The following PLCB2 variants were observed in gnomAD, a reference collection of about 807,000 sequenced individuals.
PLCB2 encodes the protein phospholipase C beta 2.
A neutral mutation model predicts 141.7 loss-of-function variants in PLCB2; 115 were observed. The observed-to-expected ratio is 0.81, with a 90% CI of 0.70 to 0.95. The LOEUF is 0.95. Among genes scored for constraint, PLCB2 ranks in the 40% least tolerant of loss-of-function variants. The pLI is 0.00. For synonymous variants in PLCB2, 603 were observed against 595.6 expected (o/e 1.01, Z -0.18); for missense variants, 1,403 against 1,541.1 (o/e 0.91, Z 1.50).
At chr15:40,284,835 TCAAAAAAA>T (rs2039587333), downstream of PLCB2, among the ~76,000 whole-genome samples, 1 of 6,940 alleles carries the variant, frequency 1.4e-4, no homozygotes, top group African/African-American at 5.9e-4. Context: ...TGAGACTCCG[TCAAAAAAA>T]AAAAAAAAAA....
chr15:40,284,570 A>G (rs954979093), downstream of PLCB2: 9 of 454,246 alleles, frequency 2.0e-5, no homozygotes, highest in Non-Finnish European at 3.5e-5. Context: ...GGCCGGGTGC[A>G]GTGGCTCACG....
intron 3 of PLCB2, 42 bp downstream of exon 3, chr15:40,303,246 A>G (rs773878953): frequency 2.1e-6 from 3 of 1,430,512 alleles, no homozygotes; most frequent in Non-Finnish European, 3.0e-6. Flanking sequence ...CCATGGAGCT[A>G]GTAGCTGTGC....
At chr15:40,299,397 C>G (rs1211219713) in intron 7 of PLCB2, 169 bp from the exon 8 acceptor site, 3 of 575,508 alleles carry the variant, frequency 5.2e-6, no homozygotes, top group Non-Finnish European at 9.4e-6. Context: ...GGTTGCTGAG[C>G]AGAGAGCATG....
chr15:40,294,143 G>A, intron 19 of PLCB2, 123 bp downstream of exon 19: 1 of 960,088 alleles, frequency 1.0e-6, no homozygotes, highest in Non-Finnish European at 1.6e-6. Context: ...TGCAGGAACT[G>A]GCTGGGGCTG....
chr15:40,290,131 A>G, intron 29 of PLCB2, 49 bp from the exon 30 acceptor site: 1 of 1,159,950 alleles, frequency 8.6e-7, no homozygotes, highest in Non-Finnish European at 1.3e-6. Context: ...CCCTAGGGAG[A>G]GTAGGGTAAC....
chr15:40,291,775 A>T (rs2039946602), intron 24 of PLCB2, 74 bp downstream of exon 24: 19 of 1,609,120 alleles, frequency 1.2e-5, no homozygotes, highest in Non-Finnish European at 1.5e-5. Flanking sequence ...CCTAGGTGAA[A>T]TTTTTTAAAG....
Position 40,288,391 on chromosome 15 carries a change from G to C in PLCB2, c.*324C>G. Reference sequence around the variant, plus strand: ...AGCTGGTTGCTCAATAGGAAAGGCAGAGTGGGGCCAGGATCCCACTTTCTG... The same window carrying C: ...AGCTGGTTGCTCAATAGGAAAGGCACAGTGGGGCCAGGATCCCACTTTCTG... On this transcript the variant is annotated 3_prime_UTR_variant, in exon 32 of 32. Coordinates refer to ENST00000260402, the MANE Select transcript of PLCB2 (RefSeq NM_004573.3). 3.7e-6 allele frequency: 4 copies of C among 1,080,186 alleles called. No individual in the cohort carries two copies. The highest frequency in any genetic ancestry group is 4.5e-6 in the Non-Finnish European group (4 of 890,180). 66.9% of individuals were successfully genotyped at this position (1,080,186 alleles called of 1,614,324 possible). A position where few individuals can be genotyped will look rare whatever the true frequency, so the allele number is the denominator to read the frequency against.
At chr15:40,284,827 A>G, downstream of PLCB2, among the ~76,000 whole-genome samples, 1 of 117,730 alleles carries the variant, frequency 8.5e-6, no homozygotes, top group East Asian at 3.3e-4. Flanking sequence ...AGACAGAGTG[A>G]GACTCCGTCA....
At position 40,302,241 on chromosome 15, in the gene PLCB2, A is replaced by C. The variant is rs201833436; in HGVS notation, c.452+29T>G. 3.7e-6 allele frequency: 6 copies of C among 1,613,970 alleles called. No individual in the cohort carries two copies. In the East Asian group the frequency reaches 1.3e-4, roughly 36 times the overall value. The stretch of plus-strand genomic sequence containing the variant: ...GCCCAGGGCTGGCATGCTCAGCACC[A>C]GGGCTCAGGCCAGGCAGAGGGCACT... On this transcript the variant is annotated intron_variant, in intron 5 of 31. Coordinates refer to ENST00000260402, the MANE Select transcript of PLCB2 (RefSeq NM_004573.3).
Position 40,291,483 on chromosome 15 carries a change from C to A in PLCB2, c.2652G>T (p.Pro884=). The A allele has an allele frequency of 6.3e-7, 1 of 1,579,422 alleles. No individual in the cohort carries two copies. The highest frequency in any genetic ancestry group is 8.6e-7 in the Non-Finnish European group (1 of 1,167,728). ...GGAGCTCCTCCAGGCTGGCGGTCCG[C>A]GGCTCTGCGGAGGCCCGGGTGAGGC... ...REEAMKEAAE[P]RTASLEELRE... Residue 884 remains proline, a synonymous_variant, in exon 26 of 32, where the codon CCG becomes CCT. Coordinates refer to ENST00000260402, the MANE Select transcript of PLCB2 (RefSeq NM_004573.3).
In PLCB2 at chr15:40,295,121, C is replaced by A. The variant is rs8025304; in HGVS notation, c.1782-61G>T. The A allele has an allele frequency of 0.021, 34,576 of 1,609,962 alleles. 900 individuals are homozygous for A. The highest frequency in any genetic ancestry group is 0.11 in the African/African-American group (7,955 of 74,800). ...TGCACCAGGAGAACCTAACAGCTTA[C>A]CCTGGGGGCCCTGTCCCCAGGCCCT... On this transcript the variant is annotated intron_variant, in intron 17 of 31. Transcript: ENST00000260402.
rs150815065 is a variant in PLCB2, at chr15:40,299,892, C to T, written c.583-664G>A. On this transcript the variant is annotated intron_variant, in intron 7 of 31. Coordinates refer to ENST00000260402, the MANE Select transcript of PLCB2 (RefSeq NM_004573.3). ...ACAATGGATTTGGACAGGTATTTCT[C>T]CAAAGAAGATATATAAGTGACTAAT... Among the ~76,000 whole-genome samples the T allele has an allele frequency of 6.6e-3, 997 of 152,202 alleles. 16 individuals carry two copies. Among genetic ancestry groups the T allele is most frequent in the African/African-American group, 0.023 (959 of 41,520 alleles).
At chr15:40,300,598 T>C (rs189500340) in intron 7 of PLCB2, 2 of 152,346 alleles carry the variant, frequency 1.3e-5, no homozygotes, top group African/African-American at 4.8e-5. Flanking sequence ...GAAGTACTCA[T>C]GCATGCTACA....
intron 7 of PLCB2, chr15:40,301,748 T>C: frequency 2.9e-6 from 2 of 700,566 alleles, no homozygotes; most frequent in Middle Eastern, 2.4e-4. Flanking sequence ...CAGACAAACC[T>C]GCTTGGAGCT....
chr15:40,284,836 CAAAAAA>C (rs56397946), downstream of PLCB2, among the ~76,000 whole-genome samples: 40 of 74,882 alleles, frequency 5.3e-4, no homozygotes, highest in South Asian at 1.2e-3. Context: ...GAGACTCCGT[CAAAAAA>C]AAAAAAAAAA....
At chr15:40,305,982 T>C (rs186106576) in intron 1 of PLCB2, among the ~76,000 whole-genome samples, 48 of 152,316 alleles carry the variant, frequency 3.2e-4, no homozygotes, top group African/African-American at 1.1e-3. Flanking sequence ...AGCCAGTTTC[T>C]GACATCGGAC....
In PLCB2 at chr15:40,303,340, T is replaced by C. The variant is rs1167940632; in HGVS notation, c.179A>G (p.Asp60Gly). The change falls in exon 3 of 32, where the codon GAT becomes GGT. Residue 60 changes from aspartate to glycine, a missense_variant. Coordinates refer to ENST00000260402, the MANE Select transcript of PLCB2 (RefSeq NM_004573.3). ...GCGAGTATCCCGGATGCTGGTGATA[T>C]CCAGAAACTCCATCTCCTGGGGGCA... ...TYQSKEMEFLDITSIRDTRFG... is the reference protein window; with the variant it reads ...TYQSKEMEFLGITSIRDTRFG... 5 of 1,613,178 alleles carry C rather than the reference T, an allele frequency of 3.1e-6. No homozygotes were observed. In the South Asian group the frequency reaches 5.5e-5, roughly 18 times the overall value.
rs1308980116 is a variant in PLCB2, at chr15:40,307,689, C to G, written c.-17G>C. On this transcript the variant is annotated 5_prime_UTR_variant, in exon 1 of 32. Transcript: ENST00000260402. Reference sequence around the variant, plus strand: ...CAGAGACATGGTGCCAAGCGTTCCTCTTTGCAGAATCTCAGCAGACACAGG... The same window carrying G: ...CAGAGACATGGTGCCAAGCGTTCCTGTTTGCAGAATCTCAGCAGACACAGG... 1.9e-6 allele frequency: 3 copies of G among 1,542,218 alleles called. No individual in the cohort carries two copies. The highest frequency in any genetic ancestry group is 2.6e-6 in the Non-Finnish European group (3 of 1,140,324).
At chr15:40,289,406 G>A in intron 30 of PLCB2, 48 bp from the exon 31 acceptor site, 1 of 1,407,076 alleles carries the variant, frequency 7.1e-7, no homozygotes, top group Non-Finnish European at 1.0e-6. Flanking sequence ...AGACAGGCAA[G>A]CTGGGTCAGA....
Sources: allele counts gnomAD v4.1 joint callset (sites outside exome capture counted in the v4.1 genomes callset), GRCh38; gene constraint gnomAD v4.1.1; transcripts MANE v1.5; gene names NCBI Gene and HGNC (gene_info 2026-07-23, HGNC 2026-07-21).